The following SCUBE1 variants were observed in gnomAD, a reference collection of about 807,000 sequenced individuals.
The protein encoded by SCUBE1 is signal peptide, CUB domain and EGF like domain containing 1.
Under a neutral mutation model 124.4 loss-of-function variants are expected in SCUBE1, and 59 were observed. The observed-to-expected ratio is 0.47, with a 90% CI of 0.38 to 0.59. The LOEUF is 0.59. SCUBE1 is among the 20% of genes least tolerant of loss of function. The probability of loss-of-function intolerance (pLI) is 0.00; values close to 1 mark genes in which losing one functional copy is unlikely to be tolerated. For synonymous variants in SCUBE1, 545 were observed against 550.9 expected (o/e 0.99, Z 0.15); for missense variants, 1,150 against 1,371.2 (o/e 0.84, Z 2.55).
intron 7 of SCUBE1, chr22:43,232,081 G>A (rs911001448): frequency 6.9e-6 from 4 of 583,060 alleles, no homozygotes. Context: ...GGTTGTACTG[G>A]GAAGGGCCAG....
intron 4 of SCUBE1, among the ~76,000 whole-genome samples, chr22:43,272,132 C>T (rs943933290): frequency 3.3e-5 from 5 of 152,176 alleles, no homozygotes; most frequent in African/African-American, 1.2e-4. Context: ...CTGCTCCTCT[C>T]GTCGTCCTTC....
chr22:43,205,681 T>A (rs13053525), intron 21 of SCUBE1, among the ~76,000 whole-genome samples: 1,928 of 35,198 alleles, frequency 0.055, 68 homozygotes, highest in Admixed American at 0.1. Context: ...CACTCACCAC[T>A]CACTCACCCC....
intron 3 of SCUBE1, among the ~76,000 whole-genome samples, chr22:43,307,970 G>C (rs1370721981): frequency 6.6e-6 from 1 of 152,032 alleles, no homozygotes; most frequent in Non-Finnish European, 1.5e-5. Flanking sequence ...AGAACCATCT[G>C]GCCCCCTGTA....
At chr22:43,212,940 CG>C (rs1475620909) in intron 16 of SCUBE1, among the ~76,000 whole-genome samples, 1 of 152,074 alleles carries the variant, frequency 6.6e-6, no homozygotes, top group Admixed American at 6.5e-5. Flanking sequence ...GGGCTGTCCC[CG>C]GGGGGTAGGC....
At chr22:43,260,222 G>A (rs1923821292) in intron 5 of SCUBE1, among the ~76,000 whole-genome samples, 1 of 152,212 alleles carries the variant, frequency 6.6e-6, no homozygotes, top group African/African-American at 2.4e-5. Context: ...AGGCCTGCCT[G>A]AGGCAACTCG....
chr22:43,324,414 G>C (rs1926655927), intron 2 of SCUBE1, among the ~76,000 whole-genome samples: 2 of 152,138 alleles, frequency 1.3e-5, no homozygotes, highest in African/African-American at 4.8e-5. Context: ...GCATCTCTCA[G>C]AACAACCAGT....
At chr22:43,243,419 C>T (rs4822266) in intron 6 of SCUBE1, among the ~76,000 whole-genome samples, 1 of 152,220 alleles carries the variant, frequency 6.6e-6, no homozygotes, top group Admixed American at 6.5e-5. Context: ...TTTGGTCTCT[C>T]TCTGGGGAGC....
intron 14 of SCUBE1, among the ~76,000 whole-genome samples, chr22:43,220,068 A>G (rs892197310): frequency 2.0e-5 from 3 of 152,220 alleles, no homozygotes; most frequent in African/African-American, 7.2e-5. Context: ...GTGACACCCG[A>G]GCCAGCATTA....
At chr22:43,269,949 C>T (rs191866154) in intron 4 of SCUBE1, among the ~76,000 whole-genome samples, 3 of 152,272 alleles carry the variant, frequency 2.0e-5, no homozygotes, top group Admixed American at 2.0e-4. Flanking sequence ...GCTGCCTGTG[C>T]GCCAGGCCTA....
At chr22:43,320,225 C>T (rs1407387080) in intron 2 of SCUBE1, among the ~76,000 whole-genome samples, 160 bp from the exon 3 acceptor site, 2 of 152,146 alleles carry the variant, frequency 1.3e-5, no homozygotes, top group Non-Finnish European at 2.9e-5. Context: ...TATAAAAATG[C>T]TAATCATGTG....
At chr22:43,292,520 G>A (rs991386073) in intron 3 of SCUBE1, among the ~76,000 whole-genome samples, 1 of 150,376 alleles carries the variant, frequency 6.6e-6, no homozygotes, top group African/African-American at 2.5e-5. Context: ...AAGGCGGCGT[G>A]AGCTACTGGC....
chr22:43,289,930 G>C (rs951374294), intron 4 of SCUBE1, among the ~76,000 whole-genome samples: 3 of 152,162 alleles, frequency 2.0e-5, no homozygotes, highest in Non-Finnish European at 4.4e-5. Flanking sequence ...AGAGAGGGGC[G>C]ACCTTCCCAG....
At chr22:43,326,693 G>C (rs1041280507) in intron 2 of SCUBE1, among the ~76,000 whole-genome samples, 2 of 152,142 alleles carry the variant, frequency 1.3e-5, no homozygotes, top group Non-Finnish European at 2.9e-5. Context: ...GGCTCAGCCA[G>C]AGGGTGGGAA....
At chr22:43,289,921 G>C (rs955017329) in intron 4 of SCUBE1, among the ~76,000 whole-genome samples, 1 of 152,188 alleles carries the variant, frequency 6.6e-6, no homozygotes, top group African/African-American at 2.4e-5. Flanking sequence ...CTGTGTACCA[G>C]AGAGGGGCGA....
chr22:43,232,693 C>A (rs1316364558), intron 7 of SCUBE1, among the ~76,000 whole-genome samples: 2 of 152,232 alleles, frequency 1.3e-5, no homozygotes, highest in African/African-American at 4.8e-5. Flanking sequence ...AGCAACTCTG[C>A]CAGTCAGCCT....
At chr22:43,239,444 A>G (rs892062868) in intron 6 of SCUBE1, among the ~76,000 whole-genome samples, 2 of 152,250 alleles carry the variant, frequency 1.3e-5, no homozygotes, top group Non-Finnish European at 2.9e-5. Flanking sequence ...GTAGGTTCTG[A>G]GGGCTCACAC....
intron 4 of SCUBE1, chr22:43,283,386 C>G (rs1479508053): frequency 6.6e-6 from 1 of 152,200 alleles, no homozygotes; most frequent in Non-Finnish European, 1.5e-5. Context: ...GCGGCTAGTA[C>G]TCAGCTCACA....
chr22:43,265,702 G>A (rs901203644), intron 4 of SCUBE1, among the ~76,000 whole-genome samples: 1 of 152,242 alleles, frequency 6.6e-6, no homozygotes, highest in Non-Finnish European at 1.5e-5. Flanking sequence ...AGCCCAAATC[G>A]CTCTGATGGA....
At chr22:43,324,120 T>G (rs1385574618) in intron 2 of SCUBE1, among the ~76,000 whole-genome samples, 1 of 152,224 alleles carries the variant, frequency 6.6e-6, no homozygotes. Flanking sequence ...TCATACACTT[T>G]AATTTTCCTG....
Sources: allele counts gnomAD v4.1 joint callset (sites outside exome capture counted in the v4.1 genomes callset), GRCh38; gene constraint gnomAD v4.1.1; transcripts MANE v1.5; gene names NCBI Gene and HGNC (gene_info 2026-07-23, HGNC 2026-07-21).